CADPS: variants seen among roughly 807,000 people sequenced by gnomAD.
CADPS encodes the protein calcium-dependent secretion activator 1.
A neutral mutation model predicts 167.3 loss-of-function variants in CADPS; 57 were observed. The ratio of observed to expected loss-of-function variants is 0.34; its 90% confidence interval spans 0.28 to 0.42. CADPS has a LOEUF of 0.42. CADPS is among the 20% of genes least tolerant of loss of function. CADPS has a pLI of 1.00. For synonymous variants in CADPS, 676 were observed against 635.3 expected, an observed-to-expected ratio of 1.06 and a Z score of -0.96; for missense variants, 1,414 against 1,738.1, an observed-to-expected ratio of 0.81 and a Z score of 3.32.
chr3:62,874,957 C>A lies in CADPS; in HGVS notation c.73G>T (p.Gly25Cys). ...AGGCGCGCGCCGGACGGGGCCGAGC[C>A]GAGCACCTCCTTGCCGCTCTCCTCC... ...VEEESGKEVL[G>C]SAPSGARLSP... is the part of the protein sequence containing the mutation. Residue 25 changes from glycine to cysteine, a missense_variant, in exon 1 of 30, where the codon GGC (glycine) becomes TGC (cysteine). By Grantham distance (159) the Gly-to-Cys change is radical. This residue lies in a region of CADPS where 522 missense variants were observed against 559.5 expected (regional missense o/e 0.93). Coordinates refer to ENST00000383710, the MANE Select transcript of CADPS (RefSeq NM_003716.4). The surrounding 1 kb of genome is among the most constrained non-coding windows in gnomAD (Gnocchi z 7.1). 1 of 1,578,008 alleles carries A rather than the reference C, an allele frequency of 6.3e-7. No homozygotes were observed. The highest frequency in any genetic ancestry group is 2.5e-5 in the East Asian group (1 of 39,682).
chr3:62,700,044 T>G (rs933283756), intron 3 of CADPS, among the ~76,000 whole-genome samples: 3 of 152,156 alleles, frequency 2.0e-5, no homozygotes, highest in African/African-American at 7.2e-5. Context: ...TACAAGTCTG[T>G]ATGAACTCTA....
Position 62,651,133 on chromosome 3 carries a change from A to G in CADPS, c.970-53T>C, listed in dbSNP as rs77851306. On this transcript the variant is annotated intron_variant, in intron 4 of 29. Transcript: ENST00000383710. ...AGAGGAGAAAATAGAAAGCTGATTTATAAAGAAGGTCTTTGTCCCATGGCC... is the reference window on the plus strand; with the variant it reads ...AGAGGAGAAAATAGAAAGCTGATTTGTAAAGAAGGTCTTTGTCCCATGGCC... 26 of 1,285,680 alleles carry G rather than the reference A, an allele frequency of 2.0e-5. No homozygotes were observed. The African/African-American group carries it at 3.7e-4, about 18-fold the overall frequency. 79.6% of individuals were successfully genotyped at this position (1,285,680 alleles called of 1,614,324 possible). A position where few individuals can be genotyped will look rare whatever the true frequency, so the allele number is the denominator to read the frequency against.
chr3:62,579,869 C>G (rs954380735), intron 8 of CADPS, among the ~76,000 whole-genome samples: 1 of 152,066 alleles, frequency 6.6e-6, no homozygotes, highest in African/African-American at 2.4e-5. Context: ...GGGGCAGAAG[C>G]AGGGTACTGC....
At chr3:62,664,936 A>G (rs1378809092) in intron 3 of CADPS, among the ~76,000 whole-genome samples, 1 of 152,014 alleles carries the variant, frequency 6.6e-6, no homozygotes, top group Non-Finnish European at 1.5e-5. Context: ...TCACTAATTT[A>G]CTCATTCATT....
intron 6 of CADPS, among the ~76,000 whole-genome samples, chr3:62,603,904 GCAAGCTC>G (rs1395230273): frequency 6.6e-6 from 1 of 151,752 alleles, no homozygotes; most frequent in Non-Finnish European, 1.5e-5. Context: ...TCGGCTCACT[GCAAGCTC>G]CACCTCCCGG....
chr3:62,599,307 A>G (rs1009597688), intron 6 of CADPS, among the ~76,000 whole-genome samples: 1 of 151,042 alleles, frequency 6.6e-6, no homozygotes, highest in Non-Finnish European at 1.5e-5. Context: ...GCTTACATAA[A>G]CGTTAAAAAT....
intron 7 of CADPS, among the ~76,000 whole-genome samples, chr3:62,590,356 G>C (rs1225904298): frequency 1.3e-5 from 2 of 152,098 alleles, no homozygotes; most frequent in Non-Finnish European, 2.9e-5. Flanking sequence ...TACTGGAAAA[G>C]GAGAAATTTG....
Position 62,557,399 on chromosome 3 carries a change from G to A in CADPS, c.1753+6C>T, listed in dbSNP as rs751060018. ...TGGGCTCGTGGCCTTGAGGGTCGGT[G>A]GGTACCTGGCTGGGGGTCGGTGTAA... On this transcript the variant is annotated splice_donor_region_variant and intron_variant, in intron 10 of 29. Transcript: ENST00000383710. The A allele has an allele frequency of 5.0e-6, 8 of 1,605,230 alleles. No homozygotes were observed. Among genetic ancestry groups the A allele is most frequent in the East Asian group, 4.5e-5 (2 of 44,842 alleles).
rs1438486605 is a variant in CADPS at position 62,799,576 on chromosome 3, G to A, written c.442-33592C>T. Among the ~76,000 whole-genome samples, 11 of 152,226 alleles carry A rather than the reference G, an allele frequency of 7.2e-5. No individual in the cohort carries two copies. In the East Asian group the frequency reaches 2.1e-3, roughly 29 times the overall value. ...GTTAGGATTACAGGCACAAATTCTA[G>A]AGTCAAATCAACCTGCACTCAAGTG... On this transcript the variant is annotated intron_variant, in intron 1 of 29. Coordinates refer to ENST00000383710, the MANE Select transcript of CADPS (RefSeq NM_003716.4).
chr3:62,688,062 G>A (rs1277402200), intron 3 of CADPS, among the ~76,000 whole-genome samples: 1 of 152,088 alleles, frequency 6.6e-6, no homozygotes, highest in Admixed American at 6.6e-5. Flanking sequence ...GTAAGGCACT[G>A]TGGTTAGAAG....
intron 1 of CADPS, among the ~76,000 whole-genome samples, chr3:62,843,589 G>A (rs1414231066): frequency 6.6e-6 from 1 of 152,010 alleles, no homozygotes; most frequent in Non-Finnish European, 1.5e-5. Flanking sequence ...TCATCTGGGT[G>A]CCAAGTTACT....
At chr3:62,572,016 T>A (rs1013051942) in intron 8 of CADPS, among the ~76,000 whole-genome samples, 3 of 152,160 alleles carry the variant, frequency 2.0e-5, no homozygotes, top group African/African-American at 7.2e-5. Context: ...CGAAATACAT[T>A]CAAATACCGA....
intron 3 of CADPS, among the ~76,000 whole-genome samples, chr3:62,730,555 G>C (rs2077571869): frequency 1.3e-5 from 2 of 152,098 alleles, no homozygotes; most frequent in South Asian, 4.1e-4. Flanking sequence ...AAGCTTCTAA[G>C]CTTGGTGACT....
chr3:62,413,684 A>T (rs2049430818), intron 28 of CADPS, among the ~76,000 whole-genome samples: 1 of 152,210 alleles, frequency 6.6e-6, no homozygotes, highest in Admixed American at 6.5e-5. Flanking sequence ...GATCGGTTGC[A>T]TAACACTGTG....
At chr3:62,551,639 C>T (rs1484070818) in intron 10 of CADPS, among the ~76,000 whole-genome samples, 1 of 152,282 alleles carries the variant, frequency 6.6e-6, no homozygotes, top group South Asian at 2.1e-4. Flanking sequence ...TGAATTGGTC[C>T]TCTGCCACCT....
chr3:62,662,665 T>G (rs184980028), intron 3 of CADPS, among the ~76,000 whole-genome samples: 29 of 152,292 alleles, frequency 1.9e-4, no homozygotes, highest in Admixed American at 1.7e-3. Context: ...CAGCAGTGTT[T>G]CTAATGAGGA....
Position 62,478,174 on chromosome 3 carries a change from C to T in CADPS, c.3329+87G>A, listed in dbSNP as rs1159725277. On this transcript the variant is annotated intron_variant, in intron 23 of 29. Transcript: ENST00000383710. This position sits in a 1 kb window ranked among gnomAD's most constrained non-coding sequence, Gnocchi z 5.7. ...TTCTCCAATTAGTTTCAAACTACAGCCAATTGAAAGAGCAGCCATCTACCC... is the reference window on the plus strand; with the variant it reads ...TTCTCCAATTAGTTTCAAACTACAGTCAATTGAAAGAGCAGCCATCTACCC... 7.1e-7 allele frequency: 1 copy of T among 1,410,008 alleles called. No homozygotes were observed. Among genetic ancestry groups the T allele is most frequent in the Non-Finnish European group, 9.8e-7 (1 of 1,015,622 alleles). 87.3% of individuals were successfully genotyped at this position (1,410,008 alleles called of 1,614,324 possible). A position where few individuals can be genotyped will look rare whatever the true frequency, so the allele number is the denominator to read the frequency against.
intron 1 of CADPS, among the ~76,000 whole-genome samples, chr3:62,802,583 C>T (rs1559693686): frequency 2.0e-5 from 3 of 152,194 alleles, no homozygotes; most frequent in South Asian, 4.2e-4. Context: ...TGATGGATTT[C>T]GATGAGGGTC....
chr3:62,723,448 A>G (rs1245139740), intron 3 of CADPS, among the ~76,000 whole-genome samples: 2 of 152,122 alleles, frequency 1.3e-5, no homozygotes, highest in African/African-American at 4.8e-5. Flanking sequence ...GTAAGAGGGC[A>G]TGTGGGGCTC....
Sources: allele counts gnomAD v4.1 joint callset (sites outside exome capture counted in the v4.1 genomes callset), GRCh38; gene constraint gnomAD v4.1.1; regional missense constraint gnomAD v4.1.1; non-coding constraint Gnocchi (gnomAD v3.1); transcripts MANE v1.5; gene names NCBI Gene and HGNC (gene_info 2026-07-23, HGNC 2026-07-21).